Variants in PPP2R2C observed in about 807,000 individuals in gnomAD.
PPP2R2C encodes protein phosphatase 2, regulatory subunit B, gamma.
A neutral mutation model predicts 45.3 loss-of-function variants in PPP2R2C; 10 were observed. That is an observed-to-expected ratio of 0.22 (90% CI 0.14 to 0.37). The LOEUF is 0.37. PPP2R2C is among the 10% of genes least tolerant of loss of function. The probability of loss-of-function intolerance (pLI) is 1.00; values close to 1 mark genes in which losing one functional copy is unlikely to be tolerated. For missense variants in PPP2R2C, 308 were observed against 619.7 expected (o/e 0.50, Z 5.34); for synonymous variants, 257 against 245.4 (o/e 1.05, Z -0.44).
chr4:6,478,139 C>T (rs190004897), intron 2 of PPP2R2C, among the ~76,000 whole-genome samples: 126 of 152,342 alleles, frequency 8.3e-4, no homozygotes, highest in African/African-American at 2.8e-3. Context: ...CTCCCGCCGA[C>T]AGTGCCATCC....
chr4:6,558,485 C>T (rs942894247), intron 1 of PPP2R2C, among the ~76,000 whole-genome samples: 1 of 152,272 alleles, frequency 6.6e-6, no homozygotes, highest in South Asian at 2.1e-4. Flanking sequence ...CTGGCTGCCT[C>T]CTAACAAGGA....
intron 8 of PPP2R2C, among the ~76,000 whole-genome samples, chr4:6,325,186 A>G (rs185399262): frequency 1.5e-3 from 222 of 152,314 alleles, no homozygotes; most frequent in African/African-American, 4.8e-3. Flanking sequence ...GTTTTCTATA[A>G]GAACTGGGAT....
rs370460925 is a variant in PPP2R2C at position 6,337,726 on chromosome 4, G to A, written c.791-3995C>T. Among the ~76,000 whole-genome samples, 4 of 152,164 alleles carry A rather than the reference G, an allele frequency of 2.6e-5. No homozygotes were observed. In the South Asian group the frequency reaches 6.2e-4, roughly 24 times the overall value. On this transcript the variant is annotated intron_variant, in intron 6 of 8. Coordinates refer to ENST00000382599, the MANE Select transcript of PPP2R2C (RefSeq NM_020416.4). ...CTACCAGCCTCCAGCAGGAAAAACC[G>A]CAAAGATCAAAGGCTGAGAGAACAA...
intron 2 of PPP2R2C, among the ~76,000 whole-genome samples, chr4:6,517,239 C>A (rs1255436637): frequency 6.6e-6 from 1 of 152,162 alleles, no homozygotes; most frequent in Non-Finnish European, 1.5e-5. Flanking sequence ...CAGAACCACA[C>A]CTTGCCCGGC....
chr4:6,529,442 G>A (rs1724323521), intron 2 of PPP2R2C, among the ~76,000 whole-genome samples: 1 of 152,230 alleles, frequency 6.6e-6, no homozygotes, highest in African/African-American at 2.4e-5. Context: ...AAGCTGCATG[G>A]GCCCCATGGA....
intron 1 of PPP2R2C, among the ~76,000 whole-genome samples, chr4:6,388,621 G>T (rs1716391299): frequency 6.6e-6 from 1 of 152,126 alleles, no homozygotes; most frequent in Non-Finnish European, 1.5e-5. Flanking sequence ...TGAAGGGCAG[G>T]ACGGGCATGG....
intron 1 of PPP2R2C, among the ~76,000 whole-genome samples, chr4:6,387,759 T>G (rs893120226): frequency 6.7e-6 from 1 of 148,636 alleles, no homozygotes; most frequent in African/African-American, 2.5e-5. Context: ...GAGGTTGCAA[T>G]GAGCCGAGAT....
intron 1 of PPP2R2C, among the ~76,000 whole-genome samples, chr4:6,425,147 G>T (rs1478195770): frequency 6.6e-6 from 1 of 152,214 alleles, no homozygotes; most frequent in Non-Finnish European, 1.5e-5. Flanking sequence ...GAACATGAGA[G>T]TCAGGGGGCC....
chr4:6,398,729 G>A (rs151051788), intron 1 of PPP2R2C, among the ~76,000 whole-genome samples: 73 of 152,268 alleles, frequency 4.8e-4, no homozygotes, highest in African/African-American at 1.5e-3. Flanking sequence ...TCTACCATGC[G>A]AACCAACCAT....
At chr4:6,461,025 C>T (rs188546816) in intron 1 of PPP2R2C, among the ~76,000 whole-genome samples, 1 of 152,258 alleles carries the variant, frequency 6.6e-6, no homozygotes, top group African/African-American at 2.4e-5. Flanking sequence ...ATGCCCTCTC[C>T]CAAGACACCA....
At chr4:6,408,644 G>T (rs1230631568) in intron 1 of PPP2R2C, among the ~76,000 whole-genome samples, 1 of 152,156 alleles carries the variant, frequency 6.6e-6, no homozygotes, top group Non-Finnish European at 1.5e-5. Flanking sequence ...TTAGTATTTG[G>T]ATTCCTTGGC....
At position 6,323,238 on chromosome 4, in the gene PPP2R2C, G is replaced by A. The variant is rs1731665247; in HGVS notation, c.*64C>T. 2.0e-5 allele frequency: 31 copies of A among 1,523,806 alleles called. No homozygotes were observed. Among genetic ancestry groups the A allele is most frequent in the Middle Eastern group, 2.0e-4 (1 of 4,980 alleles). 94.4% of individuals were successfully genotyped at this position (1,523,806 alleles called of 1,614,324 possible). On this transcript the variant is annotated 3_prime_UTR_variant, in exon 9 of 9. Transcript: ENST00000382599. ...TTCTTCCCCTCCTTGCATTGCGGTC[G>A]TGAAGGTCATGTCGGGGATGACTTG...
upstream of PPP2R2C, among the ~76,000 whole-genome samples, chr4:6,473,598 C>T (rs545145814): frequency 4.6e-5 from 7 of 152,302 alleles, no homozygotes; most frequent in African/African-American, 1.4e-4. Flanking sequence ...ACCAGAGCTG[C>T]AGGGGCTCTT....
intron 1 of PPP2R2C, chr4:6,413,833 C>A (rs1396866565): frequency 6.5e-7 from 1 of 1,527,268 alleles, no homozygotes; most frequent in Non-Finnish European, 8.8e-7. Flanking sequence ...CCGGGGCTCC[C>A]ACTCAGGGCT....
chr4:6,329,841 T>C lies in PPP2R2C; in HGVS notation c.961-488A>G, dbSNP rs537019127. Among the ~76,000 whole-genome samples the C allele has an allele frequency of 6.6e-6, 1 of 152,114 alleles. No individual in the cohort carries two copies. Among genetic ancestry groups the C allele is most frequent in the East Asian group, 1.9e-4 (1 of 5,158 alleles). On this transcript the variant is annotated intron_variant, in intron 7 of 8. Coordinates refer to ENST00000382599, the MANE Select transcript of PPP2R2C (RefSeq NM_020416.4). The surrounding 1 kb of genome is among the most constrained non-coding windows in gnomAD (Gnocchi z 5.8). The stretch of plus-strand genomic sequence containing the variant: ...GCTCTGCCCTCCCAGCTGTGTGATC[T>C]TGGACAAGTGATTTCATCTCTCTGA...
intron 1 of PPP2R2C, among the ~76,000 whole-genome samples, chr4:6,442,853 C>A (rs1720220503): frequency 6.6e-6 from 1 of 152,218 alleles, no homozygotes; most frequent in African/African-American, 2.4e-5. Flanking sequence ...AGCCCCAGCA[C>A]CGAGCAGCTA....
Position 6,324,703 on chromosome 4 carries a change from A to T in PPP2R2C, c.1053-1110T>A, listed in dbSNP as rs979663243. 7.2e-5 allele frequency among the ~76,000 whole-genome samples: 11 copies of T among 152,206 alleles called. No individual in the cohort carries two copies. Among genetic ancestry groups the T allele is most frequent in the Non-Finnish European group, 1.3e-4 (9 of 68,044 alleles). ...TGCCCTCACCGTCCCGCTAAAGAGA[A>T]TTCCACACCATTTCTCTGCTCTCCC... On this transcript the variant is annotated intron_variant, in intron 8 of 8. Coordinates refer to ENST00000382599, the MANE Select transcript of PPP2R2C (RefSeq NM_020416.4). This position sits in a 1 kb window ranked among gnomAD's most constrained non-coding sequence, Gnocchi z 4.1.
chr4:6,475,520 T>C (rs1722111453), upstream of PPP2R2C, among the ~76,000 whole-genome samples: 1 of 152,102 alleles, frequency 6.6e-6, no homozygotes, highest in Non-Finnish European at 1.5e-5. Context: ...TTGCCATCCA[T>C]CCCACCCCAG....
intron 1 of PPP2R2C, among the ~76,000 whole-genome samples, chr4:6,407,181 G>T (rs1388404501): frequency 6.6e-5 from 10 of 152,172 alleles, no homozygotes; most frequent in Non-Finnish European, 1.3e-4. Flanking sequence ...ACAACCAAAC[G>T]TGTGATAATA....
Sources: gnomAD v4.1 joint callset for allele counts (sites outside exome capture counted in the v4.1 genomes callset) on GRCh38, gnomAD v4.1.1 for gene constraint, Gnocchi (gnomAD v3.1) non-coding constraint, MANE v1.5 for transcripts, NCBI Gene and HGNC (gene_info 2026-07-23, HGNC 2026-07-21) for gene names.